Variants in SLC41A2 observed in about 807,000 individuals in gnomAD.
SLC41A2 encodes SLC41A1-like 1.
SLC41A2 carries 32 observed loss-of-function variants against 58.3 expected under a neutral mutation model. The observed-to-expected ratio is 0.55, with a 90% CI of 0.41 to 0.74. The LOEUF (loss-of-function observed/expected upper bound fraction) is 0.74. SLC41A2 is among the 30% of genes least tolerant of loss of function. The probability of loss-of-function intolerance (pLI) is 0.00; values close to 1 mark genes in which losing one functional copy is unlikely to be tolerated. For synonymous variants in SLC41A2, 190 were observed against 235.0 expected, an observed-to-expected ratio of 0.81 and a Z score of 1.75; for missense variants, 514 against 680.6, an observed-to-expected ratio of 0.76 and a Z score of 2.72.
chr12:104,863,227 T>C (rs1239045729), intron 7 of SLC41A2, among the ~76,000 whole-genome samples: 2 of 152,176 alleles, frequency 1.3e-5, no homozygotes, highest in Non-Finnish European at 2.9e-5. Context: ...TGCTTGAGAC[T>C]AGCAGTTTAA....
intron 6 of SLC41A2, among the ~76,000 whole-genome samples, chr12:104,881,991 G>A (rs2044394796): frequency 6.6e-6 from 1 of 152,158 alleles, no homozygotes. Context: ...TTATGAATCT[G>A]GGTGCTCCTG....
At chr12:104,856,133 C>A (rs1426750618) in intron 8 of SLC41A2, among the ~76,000 whole-genome samples, 3 of 152,068 alleles carry the variant, frequency 2.0e-5, no homozygotes, top group African/African-American at 7.2e-5. Context: ...GTCTGGGGAC[C>A]ACACTTTGAA....
intron 3 of SLC41A2, among the ~76,000 whole-genome samples, chr12:104,899,285 T>C (rs1484594423): frequency 1.3e-5 from 2 of 152,220 alleles, no homozygotes; most frequent in Admixed American, 1.3e-4. Context: ...ATTAGAATCA[T>C]TTTTTATTAA....
chr12:104,854,916 CT>C (rs201860135), intron 8 of SLC41A2, among the ~76,000 whole-genome samples: 2,143 of 152,212 alleles, frequency 0.014, 47 homozygotes, highest in African/African-American at 0.049. Flanking sequence ...TTCAAGACTC[CT>C]TTTCTTACCA....
intron 3 of SLC41A2, among the ~76,000 whole-genome samples, chr12:104,898,168 G>C (rs141061080): frequency 2.6e-4 from 39 of 152,194 alleles, no homozygotes; most frequent in Non-Finnish European, 4.6e-4. Flanking sequence ...AATTTTTTAG[G>C]AAAGAGTAGA....
chr12:104,858,704 G>T (rs1279026925), intron 8 of SLC41A2, among the ~76,000 whole-genome samples: 2 of 152,152 alleles, frequency 1.3e-5, no homozygotes, highest in African/African-American at 2.4e-5. Context: ...TGCAGACAGG[G>T]TTTGGTCGTG....
chr12:104,890,113 G>C lies in SLC41A2; in HGVS notation c.736-936C>G, dbSNP rs554693856. 3.3e-5 allele frequency among the ~76,000 whole-genome samples: 5 copies of C among 152,280 alleles called. No individual in the cohort carries two copies. In the South Asian group the frequency reaches 8.3e-4, roughly 25 times the overall value. ...CAAACACAGAGGCACTCAATATTTTGAGTAGAATTTCTTGATGTTCATGGA... is the reference window on the plus strand; with the variant it reads ...CAAACACAGAGGCACTCAATATTTTCAGTAGAATTTCTTGATGTTCATGGA... On this transcript the variant is annotated intron_variant, in intron 4 of 10. Coordinates refer to ENST00000258538, the MANE Select transcript of SLC41A2 (RefSeq NM_001352171.3).
chr12:104,904,947 T>C (rs2045753746), intron 3 of SLC41A2, among the ~76,000 whole-genome samples: 3 of 152,166 alleles, frequency 2.0e-5, no homozygotes, highest in South Asian at 2.1e-4. Context: ...GGGTTACCAA[T>C]GCTGGCTCGG....
chr12:104,943,034 C>T (rs76086234), intron 1 of SLC41A2, among the ~76,000 whole-genome samples: 1 of 151,946 alleles, frequency 6.6e-6, no homozygotes, highest in Admixed American at 6.6e-5. Flanking sequence ...TTTTAAAATG[C>T]AAAACCCACT....
intron 2 of SLC41A2, among the ~76,000 whole-genome samples, chr12:104,916,715 C>A (rs538544593): frequency 1.3e-3 from 200 of 152,292 alleles, no homozygotes; most frequent in African/African-American, 4.5e-3. Flanking sequence ...CAAAAACAAG[C>A]AATGGGGAAA....
At chr12:104,859,560 A>C (rs2043132308) in intron 8 of SLC41A2, among the ~76,000 whole-genome samples, 1 of 152,146 alleles carries the variant, frequency 6.6e-6, no homozygotes, top group South Asian at 2.1e-4. Context: ...CCACAATTTT[A>C]TGTGTGGGTG....
Position 104,802,234 on chromosome 12 carries a change from A to C in SLC41A2, c.*2918T>G, listed in dbSNP as rs938056024. 2.3e-4 allele frequency among the ~76,000 whole-genome samples: 35 copies of C among 152,308 alleles called. No homozygotes were observed. Among genetic ancestry groups the C allele is most frequent in the African/African-American group, 7.5e-4 (31 of 41,570 alleles). On this transcript the variant is annotated 3_prime_UTR_variant, in exon 11 of 11. Coordinates refer to ENST00000258538, the MANE Select transcript of SLC41A2 (RefSeq NM_001352171.3). ...TTTCTAAAAGTGTTATCTGTGTATA[A>C]ATAAAGTGGCTGATAAATTAGTGAA...
chr12:104,861,162 T>A (rs2136423225), intron 8 of SLC41A2, 129 bp downstream of exon 8: 1 of 534,194 alleles, frequency 1.9e-6, no homozygotes. Context: ...CAACTTGGGG[T>A]TGGAGGCAGA....
At chr12:104,934,956 T>C (rs2047203677) in intron 1 of SLC41A2, among the ~76,000 whole-genome samples, 1 of 152,000 alleles carries the variant, frequency 6.6e-6, no homozygotes, top group Non-Finnish European at 1.5e-5. Flanking sequence ...TTTGTTTTTT[T>C]TGTTTGTTTG....
chr12:104,878,798 C>T (rs2044199137), intron 6 of SLC41A2, among the ~76,000 whole-genome samples: 1 of 152,170 alleles, frequency 6.6e-6, no homozygotes, highest in African/African-American at 2.4e-5. Flanking sequence ...TTTATAGCAG[C>T]ATGATTTATA....
intron 2 of SLC41A2, 94 bp from the exon 3 acceptor site, chr12:104,909,856 C>T: frequency 3.8e-6 from 3 of 796,732 alleles, no homozygotes; most frequent in Non-Finnish European, 3.9e-6. Context: ...TTTTTCCCAA[C>T]TTGGCATCTA....
chr12:104,906,715 T>C (rs946906494), intron 3 of SLC41A2, among the ~76,000 whole-genome samples: 3 of 152,204 alleles, frequency 2.0e-5, no homozygotes, highest in Non-Finnish European at 2.9e-5. Context: ...TGTTAAATGC[T>C]TAAAAAGCAT....
intron 1 of SLC41A2, among the ~76,000 whole-genome samples, chr12:104,954,044 TCTTG>T (rs1291183596): frequency 6.6e-6 from 1 of 152,192 alleles, no homozygotes; most frequent in African/African-American, 2.4e-5. Flanking sequence ...ATTGTTTCAT[TCTTG>T]CTTTTCTTTT....
At chr12:104,879,015 T>G (rs1000979006) in intron 6 of SLC41A2, among the ~76,000 whole-genome samples, 15 of 152,244 alleles carry the variant, frequency 9.9e-5, no homozygotes, top group Non-Finnish European at 2.1e-4. Flanking sequence ...CTAACTGGTG[T>G]GAGATGGTAT....
Sources: allele counts gnomAD v4.1 joint callset (sites outside exome capture counted in the v4.1 genomes callset), GRCh38; gene constraint gnomAD v4.1.1; transcripts MANE v1.5; gene names NCBI Gene and HGNC (gene_info 2026-07-23, HGNC 2026-07-21).